DMD: variants seen among roughly 807,000 people sequenced by gnomAD.
DMD encodes the protein dystrophin.
Under a neutral mutation model 330.1 loss-of-function variants are expected in DMD, and 63 were observed. The ratio of observed to expected loss-of-function variants is 0.19; its 90% CI spans 0.16 to 0.24. The LOEUF is 0.24. Ranked by LOEUF, DMD falls within the 10% of genes least tolerant of loss-of-function variation. The pLI, the probability that DMD is intolerant of heterozygous loss-of-function variation, is 1.00. For synonymous variants in DMD, 1,223 were observed against 959.8 expected, an observed-to-expected ratio of 1.27 and a Z score of -5.07; for missense variants, 3,344 against 2,684.1, an observed-to-expected ratio of 1.25 and a Z score of -5.43.
chrX:31,437,664 T>C (rs763379240), intron 60 of DMD, among the ~76,000 whole-genome samples: 1 of 110,638 alleles, frequency 9.0e-6, no homozygotes, highest in East Asian at 2.8e-4. Context: ...ATAACCAAGT[T>C]TGAATAATCA....
At chrX:31,468,210 T>C (rs1210754079) in intron 59 of DMD, among the ~76,000 whole-genome samples, 1 of 112,073 alleles carries the variant, frequency 8.9e-6, no homozygotes, top group African/African-American at 3.2e-5. Context: ...TCTGCTAGCT[T>C]TGGAATTTGT....
Position 31,348,558 on chromosome X carries a change from G to T in DMD, c.9161C>A (p.Ser3054Tyr). 8.3e-7 allele frequency: 1 copy of T among 1,208,791 alleles called. No individual in the cohort carries two copies. Among genetic ancestry groups the T allele is most frequent in the East Asian group, 3.0e-5 (1 of 33,830 alleles). ...DFGPASQHFL[S>Y]TSVQGPWERA... ...GATAAAAGCTGAAAATGACTTACTG[G>T]AAAGAAAGTGCTGAGATGCTGGACC... is the stretch of plus-strand genomic sequence containing the variant. The change falls in exon 61 of 79, where the codon TCC (serine) becomes TAC (tyrosine). Residue 3054 changes from serine to tyrosine, a missense_variant and splice_region_variant. Ser to Tyr is a moderately radical substitution (Grantham distance 144). Transcript: ENST00000357033.
intron 74 of DMD, among the ~76,000 whole-genome samples, chrX:31,148,331 G>C (rs185918399): frequency 9.3e-4 from 104 of 112,111 alleles, no homozygotes; most frequent in African/African-American, 3.0e-3. Flanking sequence ...CATTCTAAGA[G>C]TTGCTTTTTG....
intron 64 of DMD, among the ~76,000 whole-genome samples, chrX:31,221,016 T>G (rs2045973917): frequency 9.7e-6 from 1 of 102,979 alleles, no homozygotes; most frequent in African/African-American, 3.6e-5. Context: ...AGATTGGACA[T>G]CCCTGCACCA....
intron 44 of DMD, among the ~76,000 whole-genome samples, chrX:32,060,566 A>C (rs1335833400): frequency 1.8e-5 from 2 of 111,396 alleles, no homozygotes; most frequent in East Asian, 5.7e-4. Context: ...GATATACAAT[A>C]AAGCATCATT....
Position 32,796,499 on chromosome X carries a change from C to A in DMD, c.649+12994G>T, listed in dbSNP as rs1280425505. 2.7e-5 allele frequency among the ~76,000 whole-genome samples: 3 copies of A among 111,045 alleles called. No individual in the cohort carries two copies. The East Asian group carries it at 8.5e-4, about 32-fold the overall frequency. On this transcript the variant is annotated intron_variant, in intron 7 of 78. Coordinates refer to ENST00000357033, the MANE Select transcript of DMD (RefSeq NM_004006.3). ...ATAAAAAGGGGTTATTTAATGGGTA[C>A]AAATATATAGTTGGAAGGTATATAT... is the stretch of plus-strand genomic sequence containing the variant.
At chrX:31,783,992 C>T (rs2091162613) in intron 50 of DMD, among the ~76,000 whole-genome samples, 1 of 111,948 alleles carries the variant, frequency 8.9e-6, no homozygotes, top group East Asian at 2.8e-4. Flanking sequence ...ATAGGGAAAA[C>T]ATGATTACTA....
intron 2 of DMD, among the ~76,000 whole-genome samples, chrX:32,919,572 G>T (rs574526982): frequency 5.4e-5 from 6 of 111,493 alleles, no homozygotes; most frequent in South Asian, 3.7e-4. Flanking sequence ...GTCCCGATTT[G>T]TTATATTTTA....
intron 1 of DMD, among the ~76,000 whole-genome samples, chrX:33,023,723 A>C (rs1199675090): frequency 9.0e-6 from 1 of 111,617 alleles, no homozygotes; most frequent in African/African-American, 3.2e-5. Context: ...TATATTGGTA[A>C]TTCTTAAACA....
chrX:32,296,434 C>T (rs971096719), intron 42 of DMD, among the ~76,000 whole-genome samples: 2 of 110,602 alleles, frequency 1.8e-5, no homozygotes, highest in Non-Finnish European at 3.8e-5. Context: ...TTCCTCTGTC[C>T]CGTCTCTGTG....
chrX:32,988,233 C>A (rs1390079659), intron 2 of DMD, among the ~76,000 whole-genome samples: 10 of 110,975 alleles, frequency 9.0e-5, no homozygotes, highest in Non-Finnish European at 1.3e-4. Context: ...TGATAGCAAC[C>A]AAAATTCTTT....
At chrX:31,222,458 T>C (rs1173418148) in intron 64 of DMD, among the ~76,000 whole-genome samples, 1 of 100,844 alleles carries the variant, frequency 9.9e-6, no homozygotes, top group Non-Finnish European at 2.0e-5. Flanking sequence ...TTCATGGGCA[T>C]ATCATCAATG....
At chrX:33,111,812 T>G (rs867598836) in intron 1 of DMD, among the ~76,000 whole-genome samples, 3 of 110,676 alleles carry the variant, frequency 2.7e-5, no homozygotes, top group Non-Finnish European at 3.8e-5. Context: ...GGTTTCACCA[T>G]GTTGGCCAGG....
chrX:31,842,175 G>A (rs1291503200), intron 48 of DMD, among the ~76,000 whole-genome samples: 1 of 111,660 alleles, frequency 9.0e-6, no homozygotes, highest in Non-Finnish European at 1.9e-5. Flanking sequence ...GACTTTAGTA[G>A]GGGAAGTCAC....
In DMD at chrX:33,282,247, G is replaced by A. The variant is rs777017075; in HGVS notation, c.7+57012C>T. On this transcript the variant is annotated intron_variant, in intron 1 of 17. Transcript: ENST00000288447. Reference sequence around the variant, plus strand: ...CTTTCCACCTCGATGTCTTCCTGTCGGAAAAGAGAGCCTCAGTTCTGCAGG... The same window carrying A: ...CTTTCCACCTCGATGTCTTCCTGTCAGAAAAGAGAGCCTCAGTTCTGCAGG... Among the ~76,000 whole-genome samples, 8 of 111,743 alleles carry A rather than the reference G, an allele frequency of 7.2e-5. No homozygotes were observed. The South Asian group carries it at 1.1e-3, about 16-fold the overall frequency.
intron 52 of DMD, among the ~76,000 whole-genome samples, chrX:31,708,990 G>A (rs976642386): frequency 4.5e-5 from 5 of 111,867 alleles, no homozygotes; most frequent in African/African-American, 1.3e-4. Context: ...GAGTAAAATC[G>A]GCTGGGCGTG....
chrX:32,322,932 T>C (rs980683715), intron 41 of DMD, among the ~76,000 whole-genome samples: 1 of 112,254 alleles, frequency 8.9e-6, no homozygotes, highest in African/African-American at 3.2e-5. Flanking sequence ...TTTACAAAGT[T>C]TACATCCTTT....
intron 55 of DMD, among the ~76,000 whole-genome samples, chrX:31,558,875 T>G (rs2075016817): frequency 9.0e-6 from 1 of 111,276 alleles, no homozygotes; most frequent in African/African-American, 3.3e-5. Flanking sequence ...GGAGTTTGAA[T>G]TCAATGACAT....
intron 60 of DMD, among the ~76,000 whole-genome samples, chrX:31,411,447 A>G (rs2061640732): frequency 8.9e-6 from 1 of 112,100 alleles, no homozygotes; most frequent in Non-Finnish European, 1.9e-5. Context: ...TTCCTTTAAG[A>G]AAAGACATGC....
Sources: allele counts gnomAD v4.1 joint callset (sites outside exome capture counted in the v4.1 genomes callset), GRCh38; gene constraint gnomAD v4.1.1; transcripts MANE v1.5; gene names NCBI Gene and HGNC (gene_info 2026-07-23, HGNC 2026-07-21).